APP: variants seen among roughly 807,000 people sequenced by gnomAD.
APP encodes amyloid-beta precursor protein.
In APP, 31 loss-of-function variants were observed where a neutral mutation model predicts 101.4. The ratio of observed to expected loss-of-function variants is 0.31; its 90% CI spans 0.23 to 0.41. The LOEUF (loss-of-function observed/expected upper bound fraction) is 0.41, where lower values mean the gene tolerates loss of function less well. Among genes scored for constraint, APP ranks in the 10% least tolerant of loss-of-function variants. APP has a pLI of 1.00. For missense variants in APP, 839 were observed against 1,003.7 expected (o/e 0.84, Z 2.22); for synonymous variants, 366 against 364.4 (o/e 1.00, Z -0.05).
intron 5 of APP, among the ~76,000 whole-genome samples, chr21:26,026,219 C>T (rs965503258): frequency 3.9e-5 from 6 of 152,230 alleles, no homozygotes; most frequent in African/African-American, 1.4e-4. Context: ...ATTCATACCA[C>T]ATTCGCAGAC....
chr21:26,024,880 T>C (rs1435610863), intron 5 of APP, among the ~76,000 whole-genome samples: 1 of 152,234 alleles, frequency 6.6e-6, no homozygotes, highest in East Asian at 1.9e-4. Flanking sequence ...AAGTTTAGCA[T>C]GTGGCTAAAG....
intron 6 of APP, among the ~76,000 whole-genome samples, chr21:26,011,608 G>A (rs1190472717): frequency 6.6e-6 from 1 of 151,920 alleles, no homozygotes; most frequent in African/African-American, 2.4e-5. Context: ...TAGTACTAAG[G>A]TCCAGAAACC....
chr21:25,961,317 GC>G (rs996626372), intron 11 of APP, among the ~76,000 whole-genome samples: 1 of 152,146 alleles, frequency 6.6e-6, no homozygotes, highest in South Asian at 2.1e-4. Context: ...ACTAAGCTGT[GC>G]CCCAACCACT....
chr21:26,136,920 A>G (rs1051644865), intron 1 of APP, among the ~76,000 whole-genome samples: 2 of 152,154 alleles, frequency 1.3e-5, no homozygotes, highest in African/African-American at 2.4e-5. Context: ...TTTTTGAGAC[A>G]GTCTCAATGT....
intron 1 of APP, among the ~76,000 whole-genome samples, chr21:26,135,867 C>G (rs2062886730): frequency 6.6e-6 from 1 of 152,088 alleles, no homozygotes; most frequent in South Asian, 2.1e-4. Context: ...GGCACGGTGG[C>G]TCACACCTGT....
At chr21:25,912,600 A>G (rs547077389) in intron 13 of APP, among the ~76,000 whole-genome samples, 2 of 152,276 alleles carry the variant, frequency 1.3e-5, no homozygotes, top group East Asian at 3.9e-4. Context: ...GTAGCCCTGC[A>G]GACAGACATC....
At chr21:26,082,314 A>C (rs1214121335) in intron 3 of APP, among the ~76,000 whole-genome samples, 1 of 152,194 alleles carries the variant, frequency 6.6e-6, no homozygotes, top group Non-Finnish European at 1.5e-5. Context: ...CTTTGGCATA[A>C]AGCACTGCTG....
At chr21:25,931,316 G>T (rs936715862) in intron 13 of APP, among the ~76,000 whole-genome samples, 3 of 152,208 alleles carry the variant, frequency 2.0e-5, no homozygotes, top group African/African-American at 7.2e-5. Flanking sequence ...AGGACAAGCT[G>T]CCCAGGATCT....
intron 3 of APP, among the ~76,000 whole-genome samples, chr21:26,079,887 A>C (rs1246910429): frequency 6.6e-6 from 1 of 151,990 alleles, no homozygotes; most frequent in African/African-American, 2.4e-5. Flanking sequence ...ATTTTGGGAG[A>C]CCAAGGTGGG....
intron 16 of APP, among the ~76,000 whole-genome samples, chr21:25,894,836 CAAAATGCTATCA>C (rs1314597751): frequency 6.6e-6 from 1 of 152,180 alleles, no homozygotes; most frequent in Non-Finnish European, 1.5e-5. Flanking sequence ...CTACTGTGAG[CAAAATGCTATCA>C]AACAGCATCA....
At chr21:25,948,518 A>AG (rs2040930161) in intron 13 of APP, among the ~76,000 whole-genome samples, 1 of 152,212 alleles carries the variant, frequency 6.6e-6, no homozygotes, top group Non-Finnish European at 1.5e-5. Flanking sequence ...ATTCAGCCAG[A>AG]GATCTTTCCC....
At chr21:25,897,262 G>A (rs564264920) in intron 16 of APP, among the ~76,000 whole-genome samples, 14 of 152,070 alleles carry the variant, frequency 9.2e-5, no homozygotes, top group African/African-American at 2.9e-4. Context: ...ACAGGTGTTT[G>A]CCACCACACC....
chr21:26,133,585 G>C (rs2062837814), intron 1 of APP, among the ~76,000 whole-genome samples: 1 of 152,156 alleles, frequency 6.6e-6, no homozygotes, highest in Non-Finnish European at 1.5e-5. Context: ...AGGAGTTGAA[G>C]ACCAGCCTGG....
chr21:25,933,355 G>A (rs1183327582), intron 13 of APP, among the ~76,000 whole-genome samples: 9 of 152,122 alleles, frequency 5.9e-5, no homozygotes, highest in Non-Finnish European at 1.2e-4. Flanking sequence ...TTCCCACCTC[G>A]GCCTTCCCAA....
At chr21:25,936,011 C>A (rs2146413649) in intron 13 of APP, among the ~76,000 whole-genome samples, 1 of 152,196 alleles carries the variant, frequency 6.6e-6, no homozygotes, top group East Asian at 1.9e-4. Context: ...ACCTTCCATG[C>A]CTCCCCTGAC....
Position 26,032,805 on chromosome 21 carries a change from A to AAAT in APP, c.663-10764_663-10763insATT, listed in dbSNP as rs1491556765. Among the ~76,000 whole-genome samples the AAAT allele has an allele frequency of 1.7e-3, 207 of 124,470 alleles. 1 individual carries two copies. The highest frequency in any genetic ancestry group is 5.0e-3 in the African/African-American group (190 of 38,354). The allele number at this position is 124,470 out of a possible 152,430, so 81.7% of individuals were successfully genotyped here. On this transcript the variant is annotated intron_variant, in intron 5 of 17. Coordinates refer to ENST00000346798, the MANE Select transcript of APP (RefSeq NM_000484.4). ...GGCTTATTATTTTAGAAAAAAAAAA[A>AAAT]ATATATATATATATATAAAGAGCTA... is the stretch of plus-strand genomic sequence containing the variant.
intron 1 of APP, among the ~76,000 whole-genome samples, chr21:26,151,189 T>A (rs2146341727): frequency 6.6e-6 from 1 of 152,342 alleles, no homozygotes; most frequent in East Asian, 1.9e-4. Context: ...CCACATAACA[T>A]CAGGAGAGAC....
intron 1 of APP, among the ~76,000 whole-genome samples, chr21:26,169,682 C>A (rs2063697739): frequency 6.6e-6 from 1 of 152,260 alleles, no homozygotes; most frequent in African/African-American, 2.4e-5. Flanking sequence ...GGGAAGGGAG[C>A]CGGGCGGGAG....
intron 16 of APP, among the ~76,000 whole-genome samples, chr21:25,895,410 T>TGCC (rs2037972751): frequency 1.3e-5 from 2 of 152,150 alleles, no homozygotes; most frequent in African/African-American, 4.8e-5. Context: ...GTGATCCACC[T>TGCC]GCCTTGGCCT....
Sources: gnomAD v4.1 joint callset for allele counts (sites outside exome capture counted in the v4.1 genomes callset) on GRCh38, gnomAD v4.1.1 for gene constraint, MANE v1.5 for transcripts, NCBI Gene and HGNC (gene_info 2026-07-23, HGNC 2026-07-21) for gene names.